The following CSMD1 variants were observed in gnomAD, a reference collection of about 807,000 sequenced individuals.
The protein encoded by CSMD1 is CUB and Sushi multiple domains 1.
CSMD1 carries 213 observed loss-of-function variants against 417.5 expected under a neutral mutation model. The ratio of observed to expected loss-of-function variants is 0.51; its 90% CI spans 0.46 to 0.57. The LOEUF is 0.57. Ranked by LOEUF, CSMD1 falls within the 20% of genes least tolerant of loss-of-function variation. CSMD1 has a pLI of 0.00. For missense variants in CSMD1, 6,923 were observed against 4,529.7 expected (o/e 1.53, Z -15.17); for synonymous variants, 2,862 against 1,736.8 (o/e 1.65, Z -16.11).
At chr8:4,933,102 C>T (rs1807354099) in intron 1 of CSMD1, among the ~76,000 whole-genome samples, 1 of 152,126 alleles carries the variant, frequency 6.6e-6, no homozygotes. Flanking sequence ...AATTAATCAC[C>T]TTACATACTT....
At chr8:4,118,319 A>G (rs1040234225) in intron 3 of CSMD1, among the ~76,000 whole-genome samples, 1 of 152,198 alleles carries the variant, frequency 6.6e-6, no homozygotes, top group Non-Finnish European at 1.5e-5. Context: ...TTACTGCAGC[A>G]AACTTAAAAA....
In CSMD1 at chr8:4,962,649, T is replaced by C. The variant is rs1483818195; in HGVS notation, c.85+31683A>G. Among the ~76,000 whole-genome samples, 7 of 152,180 alleles carry C rather than the reference T, an allele frequency of 4.6e-5. No individual in the cohort carries two copies. In the East Asian group the frequency reaches 1.2e-3, roughly 25 times the overall value. On this transcript the variant is annotated intron_variant, in intron 1 of 69. Transcript: ENST00000635120. Reference sequence around the variant, plus strand: ...TAATTTCTCTGCCATCACTTCAATTTATTCAGTGAAGAATACTGCAGTCTC... The same window carrying C: ...TAATTTCTCTGCCATCACTTCAATTCATTCAGTGAAGAATACTGCAGTCTC...
chr8:4,106,149 T>G (rs546681744), intron 3 of CSMD1, among the ~76,000 whole-genome samples: 1 of 152,258 alleles, frequency 6.6e-6, no homozygotes, highest in South Asian at 2.1e-4. Context: ...TACATGTTTC[T>G]CTGGTGAGTA....
At chr8:2,950,729 T>G (rs1802569841) in intron 66 of CSMD1, among the ~76,000 whole-genome samples, 1 of 152,188 alleles carries the variant, frequency 6.6e-6, no homozygotes, top group Non-Finnish European at 1.5e-5. Context: ...AAAATAGTGT[T>G]TGCCATATAA....
chr8:3,367,422 A>T (rs1809667940), intron 19 of CSMD1, among the ~76,000 whole-genome samples, 175 bp from the exon 20 acceptor site: 1 of 151,964 alleles, frequency 6.6e-6, no homozygotes, highest in African/African-American at 2.4e-5. Context: ...AGAGAGACAG[A>T]GATGATAAAG....
intron 1 of CSMD1, among the ~76,000 whole-genome samples, chr8:4,833,519 C>G (rs866594398): frequency 1.3e-5 from 2 of 152,188 alleles, no homozygotes; most frequent in Admixed American, 6.5e-5. Context: ...AGAGCCAAAC[C>G]CTATCACCCA....
intron 3 of CSMD1, among the ~76,000 whole-genome samples, chr8:4,187,956 C>G (rs1003450038): frequency 6.6e-6 from 1 of 151,994 alleles, no homozygotes; most frequent in Non-Finnish European, 1.5e-5. Context: ...GTGGTAGATA[C>G]TACCATGGGT....
chr8:4,866,002 T>C (rs994179852), intron 1 of CSMD1, among the ~76,000 whole-genome samples: 3 of 152,030 alleles, frequency 2.0e-5, no homozygotes, highest in Middle Eastern at 6.8e-3. Flanking sequence ...AATAGCAACA[T>C]CTAAATTTAA....
chr8:3,958,460 T>A (rs1265762438), intron 5 of CSMD1, among the ~76,000 whole-genome samples: 1 of 152,208 alleles, frequency 6.6e-6, no homozygotes, highest in Non-Finnish European at 1.5e-5. Context: ...GTTTTATTTT[T>A]AAAAATGAAT....
intron 7 of CSMD1, among the ~76,000 whole-genome samples, chr8:3,641,010 G>C (rs1033066217): frequency 3.1e-5 from 4 of 128,338 alleles, no homozygotes; most frequent in African/African-American, 1.1e-4. Flanking sequence ...CCTCTATTTT[G>C]TGTTCCTTTT....
intron 1 of CSMD1, among the ~76,000 whole-genome samples, chr8:4,936,676 T>C (rs995120477): frequency 3.9e-5 from 6 of 152,326 alleles, no homozygotes; most frequent in Non-Finnish European, 8.8e-5. Flanking sequence ...TTAACCATTG[T>C]CTATGACTAG....
intron 1 of CSMD1, among the ~76,000 whole-genome samples, chr8:4,675,631 A>C (rs1805634180): frequency 6.6e-6 from 1 of 152,226 alleles, no homozygotes; most frequent in Non-Finnish European, 1.5e-5. Flanking sequence ...AAACATAAAA[A>C]AAGTAAGCAG....
intron 1 of CSMD1, among the ~76,000 whole-genome samples, chr8:4,968,473 C>A (rs1585428019): frequency 6.6e-6 from 1 of 152,080 alleles, no homozygotes; most frequent in African/African-American, 2.4e-5. Flanking sequence ...ACCTCTACTG[C>A]ATAGATTAAG....
chr8:3,546,594 C>T (rs1798674881), intron 10 of CSMD1, among the ~76,000 whole-genome samples: 1 of 151,760 alleles, frequency 6.6e-6, no homozygotes, highest in Admixed American at 6.6e-5. Context: ...CAGTACTGAG[C>T]AATTGTCAAA....
intron 4 of CSMD1, among the ~76,000 whole-genome samples, chr8:4,018,183 TC>T (rs1226243220): frequency 6.6e-6 from 1 of 152,198 alleles, no homozygotes; most frequent in Non-Finnish European, 1.5e-5. Flanking sequence ...TAAATACACA[TC>T]TTTTACATAA....
intron 57 of CSMD1, among the ~76,000 whole-genome samples, chr8:2,970,391 G>A (rs1355038457): frequency 6.6e-6 from 1 of 152,126 alleles, no homozygotes; most frequent in African/African-American, 2.4e-5. Flanking sequence ...CACTTTCTGG[G>A]AGTGTCAGAG....
intron 3 of CSMD1, among the ~76,000 whole-genome samples, chr8:4,353,647 C>G (rs887866314): frequency 2.0e-5 from 3 of 152,080 alleles, no homozygotes; most frequent in African/African-American, 7.2e-5. Context: ...ACAGGCTAAA[C>G]CTTCTCAATC....
intron 50 of CSMD1, among the ~76,000 whole-genome samples, chr8:3,049,172 A>T (rs929014251): frequency 2.6e-5 from 4 of 152,138 alleles, no homozygotes; most frequent in Non-Finnish European, 5.9e-5. Context: ...AGATAGTCTG[A>T]TGGTTTCTTA....
intron 3 of CSMD1, among the ~76,000 whole-genome samples, chr8:4,313,571 G>A (rs539308148): frequency 1.3e-5 from 2 of 150,634 alleles, no homozygotes; most frequent in East Asian, 3.9e-4. Context: ...GGGAGGGAAA[G>A]AAGAATGTTG....
Sources: allele counts gnomAD v4.1 joint callset (sites outside exome capture counted in the v4.1 genomes callset), GRCh38; gene constraint gnomAD v4.1.1; transcripts MANE v1.5; gene names NCBI Gene and HGNC (gene_info 2026-07-23, HGNC 2026-07-21).